Variants in BCAS3 observed in about 807,000 individuals in gnomAD.
BCAS3 encodes BCAS3 microtubule associated cell migration factor, also known as BCAS4/BCAS3 fusion.
BCAS3 carries 53 observed loss-of-function variants against 116.1 expected under a neutral mutation model. The ratio of observed to expected loss-of-function variants is 0.46; its 90% CI spans 0.37 to 0.57. The LOEUF (loss-of-function observed/expected upper bound fraction) is 0.57, where lower values mean the gene tolerates loss of function less well. Among genes scored for constraint, BCAS3 ranks in the 20% least tolerant of loss-of-function variants. The pLI is 0.00. For synonymous variants in BCAS3, 391 were observed against 408.2 expected (o/e 0.96, Z 0.51); for missense variants, 917 against 1,165.4 (o/e 0.79, Z 3.10).
chr17:61,297,166 C>A (rs1232111948), intron 22 of BCAS3, among the ~76,000 whole-genome samples: 2 of 152,152 alleles, frequency 1.3e-5, no homozygotes, highest in African/African-American at 4.8e-5. Context: ...AATTCAGGGG[C>A]TCCATGACAG....
intron 22 of BCAS3, among the ~76,000 whole-genome samples, chr17:61,253,862 G>A (rs894709344): frequency 2.0e-5 from 3 of 152,104 alleles, no homozygotes; most frequent in African/African-American, 7.2e-5. Context: ...TTACATGGGG[G>A]AAAACTGAAG....
In BCAS3 at chr17:60,990,251, T is replaced by A; in HGVS notation, c.1486+16T>A. 6.2e-7 allele frequency: 1 copy of A among 1,608,334 alleles called. No homozygotes were observed. The highest frequency in any genetic ancestry group is 8.5e-7 in the Non-Finnish European group (1 of 1,175,602). ...CCCTTGCATGGTAATTTTCTCTGTC[T>A]CCACTGTTATCTTGAATCTTCCTTC... On this transcript the variant is annotated intron_variant, in intron 15 of 23. Coordinates refer to ENST00000407086, the MANE Select transcript of BCAS3 (RefSeq NM_017679.5). This position sits in a 1 kb window ranked among gnomAD's most constrained non-coding sequence, Gnocchi z 5.1.
intron 6 of BCAS3, among the ~76,000 whole-genome samples, chr17:60,771,817 C>T (rs1478547697): frequency 7.8e-6 from 1 of 128,256 alleles, no homozygotes. Context: ...GTTTTCTGTC[C>T]TTGTGATGAT....
intron 7 of BCAS3, among the ~76,000 whole-genome samples, chr17:60,859,513 A>G (rs2053975846): frequency 1.3e-5 from 2 of 151,994 alleles, no homozygotes; most frequent in African/African-American, 4.8e-5. Context: ...TGTTGCTGCA[A>G]AGGACACGAT....
At chr17:61,000,542 C>T (rs2064165921) in intron 15 of BCAS3, among the ~76,000 whole-genome samples, 3 of 152,054 alleles carry the variant, frequency 2.0e-5, no homozygotes, top group Non-Finnish European at 4.4e-5. Flanking sequence ...GTGTTTGGCA[C>T]ATATCAAATA....
At position 61,307,001 on chromosome 17, in the gene BCAS3, A is replaced by G. The variant is rs753799255; in HGVS notation, c.2426-61326A>G. On this transcript the variant is annotated intron_variant, in intron 22 of 23. Coordinates refer to ENST00000407086, the MANE Select transcript of BCAS3 (RefSeq NM_017679.5). This position sits in a 1 kb window ranked among gnomAD's most constrained non-coding sequence, Gnocchi z 4.7. ...GGAACAGCTCTGGGTCTCTTGGCCA[A>G]TTTGGCATCAGGGCTCTGGGCCTTT... 5.3e-5 allele frequency among the ~76,000 whole-genome samples: 8 copies of G among 152,180 alleles called. No individual in the cohort carries two copies. The highest frequency in any genetic ancestry group is 1.2e-4 in the Non-Finnish European group (8 of 68,038).
rs1406940532 is a variant in BCAS3 at position 61,189,180 on chromosome 17, C to T, written c.2425+104616C>T. Among the ~76,000 whole-genome samples the T allele has an allele frequency of 6.6e-6, 1 of 152,080 alleles. No homozygotes were observed. Among genetic ancestry groups the T allele is most frequent in the East Asian group, 1.9e-4 (1 of 5,194 alleles). ...AGGGTATGGTCTTTGTTGCTATGCT[C>T]CTTTATGTGCTTAGAGTTGAGGAAG... On this transcript the variant is annotated intron_variant, in intron 22 of 23. Coordinates refer to ENST00000407086, the MANE Select transcript of BCAS3 (RefSeq NM_017679.5). This position sits in a 1 kb window ranked among gnomAD's most constrained non-coding sequence, Gnocchi z 4.5.
rs901949014 is a variant in BCAS3 at position 60,997,411 on chromosome 17, T to C, written c.1486+7176T>C. ...GTGTCGACAAGTCTTTCAGGGAGGA[T>C]TGATGTAAGGGGAAGCAGGAACATT... is the stretch of plus-strand genomic sequence containing the variant. On this transcript the variant is annotated intron_variant, in intron 15 of 23. Coordinates refer to ENST00000407086, the MANE Select transcript of BCAS3 (RefSeq NM_017679.5). Among the ~76,000 whole-genome samples, 33 of 152,138 alleles carry C rather than the reference T, an allele frequency of 2.2e-4. 1 individual carries two copies. The highest frequency in any genetic ancestry group is 7.0e-4 in the African/African-American group (29 of 41,424).
chr17:61,361,263 G>C lies in BCAS3; in HGVS notation c.2426-7064G>C, dbSNP rs57878467. 0.035 allele frequency among the ~76,000 whole-genome samples: 5,388 copies of C among 151,952 alleles called. 314 individuals are homozygous for C. Among genetic ancestry groups the C allele is most frequent in the African/African-American group, 0.12 (5,104 of 41,418 alleles). ...AGAGTAACCAGAAAAGTTAATGGGA[G>C]AATTCCAGTTATGACTCAGATGTAA... On this transcript the variant is annotated intron_variant, in intron 22 of 23. Transcript: ENST00000407086. The surrounding 1 kb of genome is among the most constrained non-coding windows in gnomAD (Gnocchi z 6.5).
chr17:61,299,923 A>T (rs182464824), intron 22 of BCAS3, among the ~76,000 whole-genome samples: 1 of 152,258 alleles, frequency 6.6e-6, no homozygotes. Flanking sequence ...ATGCACGTGC[A>T]TGAAAATATG....
rs1181341112 is a variant in BCAS3 at position 61,056,216 on chromosome 17, A to G, written c.2029+15324A>G. Among the ~76,000 whole-genome samples, 1 of 152,242 alleles carries G rather than the reference A, an allele frequency of 6.6e-6. No individual in the cohort carries two copies. Among genetic ancestry groups the G allele is most frequent in the Non-Finnish European group, 1.5e-5 (1 of 68,042 alleles). On this transcript the variant is annotated intron_variant, in intron 19 of 23. Coordinates refer to ENST00000407086, the MANE Select transcript of BCAS3 (RefSeq NM_017679.5). This position sits in a 1 kb window ranked among gnomAD's most constrained non-coding sequence, Gnocchi z 4.9. Reference sequence around the variant, plus strand: ...AGATAGAAATTGATTAGTGGCCAAAATAAAGATGGAAAGTAAGAAAACTGT... The same window carrying G: ...AGATAGAAATTGATTAGTGGCCAAAGTAAAGATGGAAAGTAAGAAAACTGT...
At chr17:61,071,645 T>G (rs1486969345) in intron 19 of BCAS3, among the ~76,000 whole-genome samples, 1 of 152,228 alleles carries the variant, frequency 6.6e-6, no homozygotes, top group Non-Finnish European at 1.5e-5. Context: ...TATTCCATAC[T>G]ACATATTGTA....
chr17:60,937,041 G>A (rs1164947382), intron 13 of BCAS3, among the ~76,000 whole-genome samples: 2 of 152,092 alleles, frequency 1.3e-5, no homozygotes, highest in African/African-American at 4.8e-5. Context: ...TTTGTATAAG[G>A]TGTAAGGAAG....
chr17:60,829,309 A>C (rs1226286691), intron 7 of BCAS3, among the ~76,000 whole-genome samples: 1 of 152,164 alleles, frequency 6.6e-6, no homozygotes, highest in East Asian at 1.9e-4. Flanking sequence ...CCTGGCCAAC[A>C]TGGTGAAACC....
intron 22 of BCAS3, among the ~76,000 whole-genome samples, chr17:61,216,700 C>T (rs907938653): frequency 4.6e-5 from 7 of 151,388 alleles, no homozygotes; most frequent in African/African-American, 7.3e-5. Context: ...CCCGCCACCA[C>T]GCCCAGCTAA....
chr17:60,848,743 G>A (rs992075248), intron 7 of BCAS3, among the ~76,000 whole-genome samples: 1 of 151,650 alleles, frequency 6.6e-6, no homozygotes, highest in African/African-American at 2.4e-5. Context: ...CTGTCACCCA[G>A]GCTGGAGTGC....
In BCAS3 at chr17:61,368,541, C is replaced by A. The variant is rs774540788; in HGVS notation, c.2593+47C>A. On this transcript the variant is annotated intron_variant, in intron 23 of 23. Transcript: ENST00000407086. The surrounding 1 kb of genome is among the most constrained non-coding windows in gnomAD (Gnocchi z 6.0). Reference sequence around the variant, plus strand: ...TAGCCTGATTTGGTCAGGACCAGCACCTGTTGGTGCAGAGCTTCTCTGGAA... The same window carrying A: ...TAGCCTGATTTGGTCAGGACCAGCAACTGTTGGTGCAGAGCTTCTCTGGAA... 25 of 1,536,588 alleles carry A rather than the reference C, an allele frequency of 1.6e-5. No individual in the cohort carries two copies. In the East Asian group the frequency reaches 5.5e-4, roughly 34 times the overall value.
intron 6 of BCAS3, 127 bp downstream of exon 6, chr17:60,747,406 C>T: frequency 1.4e-6 from 1 of 697,608 alleles, no homozygotes; most frequent in East Asian, 2.5e-5. Context: ...CCTTCCCCAC[C>T]TCCCCCAAAG....
chr17:61,289,740 T>A (rs997729303), intron 22 of BCAS3, among the ~76,000 whole-genome samples: 6 of 151,960 alleles, frequency 3.9e-5, no homozygotes, highest in Non-Finnish European at 7.4e-5. Flanking sequence ...AAAAAAAAAA[T>A]GATGATCTTT....
Sources: allele counts gnomAD v4.1 joint callset (sites outside exome capture counted in the v4.1 genomes callset), GRCh38; gene constraint gnomAD v4.1.1; non-coding constraint Gnocchi (gnomAD v3.1); transcripts MANE v1.5; gene names NCBI Gene and HGNC (gene_info 2026-07-23, HGNC 2026-07-21).